The following AUTS2 variants were observed in gnomAD, a reference collection of about 807,000 sequenced individuals.
The protein encoded by AUTS2 is activator of transcription and developmental regulator AUTS2, also known as autism susceptibility gene 2 protein.
A neutral mutation model predicts 112.4 loss-of-function variants in AUTS2; 17 were observed. The observed-to-expected ratio is 0.15, with a 90% CI of 0.10 to 0.23. AUTS2 has a LOEUF of 0.23. Ranked by LOEUF, AUTS2 falls within the 10% of genes least tolerant of loss-of-function variation. The pLI, the probability that AUTS2 is intolerant of heterozygous loss-of-function variation, is 1.00. For synonymous variants in AUTS2, 751 were observed against 702.7 expected, an observed-to-expected ratio of 1.07 and a Z score of -1.09; for missense variants, 1,510 against 1,701.6, an observed-to-expected ratio of 0.89 and a Z score of 1.98.
chr7:70,575,266 G>A lies in AUTS2; in HGVS notation c.691-123303G>A, dbSNP rs559561814. 2.6e-5 allele frequency among the ~76,000 whole-genome samples: 4 copies of A among 152,244 alleles called. No homozygotes were observed. In the South Asian group the frequency reaches 6.2e-4, roughly 24 times the overall value. ...AGCCAGCCTGTGCCAATGTCCACTC[G>A]TTTCTGTGCTTTACTGCCAGCCACT... On this transcript the variant is annotated intron_variant, in intron 5 of 18. Coordinates refer to ENST00000342771, the MANE Select transcript of AUTS2 (RefSeq NM_015570.4).
At chr7:69,876,347 AAAATATATATATAT>A (rs1793758799) in intron 1 of AUTS2, among the ~76,000 whole-genome samples, 1 of 46,458 alleles carries the variant, frequency 2.2e-5, no homozygotes, top group Non-Finnish European at 3.9e-5. Flanking sequence ...AAAAAAAAAA[AAAATATATATATAT>A]ATATATATAT....
At chr7:70,477,908 G>A (rs568323035) in intron 5 of AUTS2, among the ~76,000 whole-genome samples, 2 of 32,514 alleles carry the variant, frequency 6.2e-5, no homozygotes, top group Non-Finnish European at 1.1e-4. Flanking sequence ...CTGGACCAGG[G>A]TCATCACTGA....
chr7:70,519,001 G>A (rs768744802), intron 5 of AUTS2, among the ~76,000 whole-genome samples: 14 of 152,116 alleles, frequency 9.2e-5, no homozygotes, highest in Non-Finnish European at 1.9e-4. Context: ...ACCACACCCC[G>A]CCAATAATAT....
chr7:70,139,180 T>G (rs930177997), intron 4 of AUTS2, among the ~76,000 whole-genome samples: 1 of 152,190 alleles, frequency 6.6e-6, no homozygotes, highest in African/African-American at 2.4e-5. Flanking sequence ...TTGCCAAGGC[T>G]GGTCTTGAAC....
At chr7:69,675,505 G>GTTTTTTTTT (rs751222506) in intron 1 of AUTS2, among the ~76,000 whole-genome samples, 1 of 114,220 alleles carries the variant, frequency 8.8e-6, no homozygotes, top group African/African-American at 3.6e-5. Context: ...TTGGCTGAGG[G>GTTTTTTTTT]TTTTTTTTTT....
chr7:70,249,744 A>T (rs763407311), intron 4 of AUTS2, among the ~76,000 whole-genome samples: 3 of 151,932 alleles, frequency 2.0e-5, no homozygotes, highest in Non-Finnish European at 2.9e-5. Flanking sequence ...CTCTGACTCA[A>T]ACTCAGTAAG....
chr7:70,207,768 T>C (rs1267283872), intron 4 of AUTS2, among the ~76,000 whole-genome samples: 2 of 152,102 alleles, frequency 1.3e-5, no homozygotes, highest in African/African-American at 4.8e-5. Context: ...TCCCAGCACT[T>C]TGGGAGGCCG....
intron 3 of AUTS2, among the ~76,000 whole-genome samples, chr7:70,133,590 T>C (rs752573810): frequency 6.6e-6 from 1 of 152,074 alleles, no homozygotes; most frequent in Non-Finnish European, 1.5e-5. Context: ...CAACCCAAGC[T>C]CATCAGGGAA....
At chr7:70,010,099 G>T (rs1799726536) in intron 2 of AUTS2, among the ~76,000 whole-genome samples, 1 of 152,060 alleles carries the variant, frequency 6.6e-6, no homozygotes, top group Non-Finnish European at 1.5e-5. Context: ...TTACCTGTGA[G>T]CCTTGCTTAT....
intron 1 of AUTS2, among the ~76,000 whole-genome samples, chr7:69,741,704 TA>T (rs112536740): frequency 6.9e-3 from 961 of 139,564 alleles, no homozygotes; most frequent in Middle Eastern, 0.011. Context: ...AACCCTGTCT[TA>T]AAAAAAAAAA....
intron 1 of AUTS2, among the ~76,000 whole-genome samples, chr7:69,703,717 T>C (rs1250635071): frequency 6.6e-6 from 1 of 152,178 alleles, no homozygotes; most frequent in Non-Finnish European, 1.5e-5. Flanking sequence ...AACTATAAAC[T>C]TCAGTAAATA....
At chr7:70,139,489 A>G (rs1032261635) in intron 4 of AUTS2, among the ~76,000 whole-genome samples, 2 of 152,220 alleles carry the variant, frequency 1.3e-5, no homozygotes, top group Non-Finnish European at 2.9e-5. Flanking sequence ...TATTTTCAGT[A>G]GTGGTATTTC....
In AUTS2 at chr7:70,102,814, C is replaced by T. The variant is rs367937211; in HGVS notation, c.523-15318C>T. 4.4e-4 allele frequency among the ~76,000 whole-genome samples: 67 copies of T among 152,088 alleles called. No homozygotes were observed. In the South Asian group the frequency reaches 0.013, roughly 30 times the overall value. On this transcript the variant is annotated intron_variant, in intron 2 of 18. Transcript: ENST00000342771. ...GCTAAGGTAAATGAAATTATATTCT[C>T]AATTGCTTGTCTGGTCTAATATGAC...
intron 4 of AUTS2, among the ~76,000 whole-genome samples, chr7:70,154,920 TGTTTGACTGATGG>T (rs1421699536): frequency 6.6e-6 from 1 of 152,184 alleles, no homozygotes; most frequent in African/African-American, 2.4e-5. Flanking sequence ...TAGCATCATA[TGTTTGACTGATGG>T]GTTAGTTGTA....
chr7:70,606,574 C>G (rs977161374), intron 5 of AUTS2, among the ~76,000 whole-genome samples: 9 of 152,106 alleles, frequency 5.9e-5, no homozygotes, highest in Non-Finnish European at 1.0e-4. Flanking sequence ...AATAGTGTTT[C>G]TTGGGGCCAG....
At chr7:69,859,136 C>T (rs1024059148) in intron 1 of AUTS2, among the ~76,000 whole-genome samples, 1 of 152,126 alleles carries the variant, frequency 6.6e-6, no homozygotes, top group African/African-American at 2.4e-5. Flanking sequence ...CTATTAACCA[C>T]TGTATAAGAT....
chr7:70,454,782 G>T (rs912319574), intron 5 of AUTS2, among the ~76,000 whole-genome samples: 6 of 152,176 alleles, frequency 3.9e-5, no homozygotes, highest in African/African-American at 4.8e-5. Context: ...TTCTGAAGGT[G>T]CAGACCTCAT....
intron 1 of AUTS2, among the ~76,000 whole-genome samples, chr7:69,775,366 A>G (rs953638556): frequency 6.6e-6 from 1 of 152,224 alleles, no homozygotes; most frequent in African/African-American, 2.4e-5. Context: ...TCCCTGATGC[A>G]GTCATCACGG....
chr7:70,333,377 A>G (rs985465537), intron 4 of AUTS2, among the ~76,000 whole-genome samples: 31 of 152,204 alleles, frequency 2.0e-4, no homozygotes, highest in Admixed American at 1.6e-3. Context: ...ACTTAGTTCA[A>G]CCATTGTGGA....
Sources: gnomAD v4.1 joint callset for allele counts (sites outside exome capture counted in the v4.1 genomes callset) on GRCh38, gnomAD v4.1.1 for gene constraint, MANE v1.5 for transcripts, NCBI Gene and HGNC (gene_info 2026-07-23, HGNC 2026-07-21) for gene names.